The following PDS5A variants were observed in gnomAD, a reference collection of about 807,000 sequenced individuals.
PDS5A encodes PDS5 cohesin associated factor A.
PDS5A carries 42 observed loss-of-function variants against 167.1 expected under a neutral mutation model. That is an observed-to-expected ratio of 0.25 (90% confidence interval 0.20 to 0.33). PDS5A has a LOEUF of 0.33. Among genes scored for constraint, PDS5A ranks in the 10% least tolerant of loss-of-function variants. The pLI, the probability that PDS5A is intolerant of heterozygous loss-of-function variation, is 1.00. For missense variants in PDS5A, 1,033 were observed against 1,605.9 expected, an observed-to-expected ratio of 0.64 and a Z score of 6.10; for synonymous variants, 553 against 554.6, an observed-to-expected ratio of 1.00 and a Z score of 0.04.
chr4:39,830,061 T>A (rs777193826), intron 32 of PDS5A, among the ~76,000 whole-genome samples: 11 of 150,252 alleles, frequency 7.3e-5, no homozygotes, highest in Admixed American at 2.0e-4. Flanking sequence ...TCTTAAGCCA[T>A]GCCCTGTGTA....
intron 16 of PDS5A, among the ~76,000 whole-genome samples, chr4:39,893,471 C>T (rs1578684710): frequency 6.6e-6 from 1 of 152,054 alleles, no homozygotes; most frequent in African/African-American, 2.4e-5. Context: ...TAATATCTAC[C>T]TCTTGAGAAG....
chr4:39,887,992 C>T (rs1353228346), intron 17 of PDS5A, among the ~76,000 whole-genome samples: 1 of 152,118 alleles, frequency 6.6e-6, no homozygotes, highest in Non-Finnish European at 1.5e-5. Context: ...TGGCTCACGC[C>T]TGTAATCCCA....
chr4:39,835,618 G>T (rs1237850199), intron 32 of PDS5A, among the ~76,000 whole-genome samples: 1 of 152,150 alleles, frequency 6.6e-6, no homozygotes, highest in Non-Finnish European at 1.5e-5. Flanking sequence ...CGCCTCCCGG[G>T]TTCAAGCAAT....
At chr4:39,892,657 T>C (rs1193624753) in intron 16 of PDS5A, among the ~76,000 whole-genome samples, 1 of 152,250 alleles carries the variant, frequency 6.6e-6, no homozygotes, top group Non-Finnish European at 1.5e-5. Flanking sequence ...TATTATAAAA[T>C]TTATTTAATC....
At chr4:39,861,963 T>C (rs1377843299) in intron 26 of PDS5A, among the ~76,000 whole-genome samples, 1 of 152,098 alleles carries the variant, frequency 6.6e-6, no homozygotes, top group African/African-American at 2.4e-5. Flanking sequence ...ATATAATAAC[T>C]AAGATAACCA....
chr4:39,929,533 A>C (rs200533571), intron 2 of PDS5A, among the ~76,000 whole-genome samples: 15,290 of 101,516 alleles, frequency 0.15, 1,519 homozygotes, highest in East Asian at 0.33. Flanking sequence ...ATATATATAT[A>C]TATATATATA....
Position 39,976,684 on chromosome 4 carries a change from ATC to A in PDS5A, c.-40-69_-40-68del. 1.3e-5 allele frequency: 10 copies of A among 782,100 alleles called. No individual in the cohort carries two copies. In the South Asian group the frequency reaches 1.5e-4, roughly 12 times the overall value. 48.4% of individuals were successfully genotyped at this position (782,100 alleles called of 1,614,324 possible). On this transcript the variant is annotated intron_variant, in intron 1 of 32. Coordinates refer to ENST00000303538, the MANE Select transcript of PDS5A (RefSeq NM_001100399.2). ...TTTGTAACCTCTTTTTTCATTTCAA[ATC>A]TCTCTAATCTGGAAAAGGCCCTGTC... is the stretch of plus-strand genomic sequence containing the variant.
intron 30 of PDS5A, among the ~76,000 whole-genome samples, chr4:39,843,583 G>A (rs185969446): frequency 1.6e-4 from 25 of 152,184 alleles, no homozygotes; most frequent in African/African-American, 6.0e-4. Flanking sequence ...GTGGTGGCGT[G>A]TGCCTGTAAG....
chr4:39,913,795 T>C, intron 8 of PDS5A, 69 bp from the exon 9 acceptor site: 1 of 848,716 alleles, frequency 1.2e-6, no homozygotes, highest in South Asian at 1.3e-5. Flanking sequence ...TCTTGAAACA[T>C]TCTCAAGAAG....
At chr4:39,905,973 A>G (rs1723301039) in intron 11 of PDS5A, among the ~76,000 whole-genome samples, 1 of 151,288 alleles carries the variant, frequency 6.6e-6, no homozygotes, top group South Asian at 2.1e-4. Flanking sequence ...TTAGATAACA[A>G]GAGGTGCTTT....
chr4:39,954,714 C>A (rs1240826512), intron 2 of PDS5A, among the ~76,000 whole-genome samples: 2 of 144,116 alleles, frequency 1.4e-5, no homozygotes, highest in African/African-American at 5.2e-5. Flanking sequence ...CAGAGGTGGA[C>A]CAAACGCTAA....
intron 17 of PDS5A, among the ~76,000 whole-genome samples, chr4:39,886,403 A>G (rs1317295524): frequency 6.6e-6 from 1 of 152,104 alleles, no homozygotes; most frequent in Non-Finnish European, 1.5e-5. Flanking sequence ...TACTTTGAGT[A>G]GTACTGTCAT....
chr4:39,962,384 G>A (rs1729570325), intron 2 of PDS5A, among the ~76,000 whole-genome samples: 6 of 152,086 alleles, frequency 3.9e-5, no homozygotes, highest in Admixed American at 3.9e-4. Flanking sequence ...GAAATCTAGA[G>A]TTCTTACCCC....
At chr4:39,886,523 G>A (rs372351829) in intron 17 of PDS5A, among the ~76,000 whole-genome samples, 1 of 151,960 alleles carries the variant, frequency 6.6e-6, no homozygotes, top group Non-Finnish European at 1.5e-5. Context: ...AGACCAGCCC[G>A]ACCAACATGG....
At chr4:39,906,926 A>AAC (rs1441590701) in intron 11 of PDS5A, among the ~76,000 whole-genome samples, 23 of 150,100 alleles carry the variant, frequency 1.5e-4, no homozygotes, top group African/African-American at 5.4e-4. Context: ...ATAAAAAAAA[A>AAC]AAAAAAAAAA....
In PDS5A at chr4:39,926,866, TA is replaced by T. The variant is rs747683199; in HGVS notation, c.343-6del. 6,688 of 1,147,410 alleles carry T rather than the reference TA, an allele frequency of 5.8e-3. No homozygotes were observed. The highest frequency in any genetic ancestry group is 0.015 in the South Asian group (780 of 51,758). The allele number at this position is 1,147,410 out of a possible 1,614,324, so 71.1% of individuals were successfully genotyped here. On this transcript the variant is annotated splice_polypyrimidine_tract_variant and splice_region_variant and intron_variant, in intron 3 of 32. Transcript: ENST00000303538. ...GGTAATAAACAAAAATATGTCCTGT[TA>T]AAAAAAAAAACACATTAATTTAGAC...
In PDS5A at chr4:39,926,278, T is replaced by C. The variant is rs1413523277; in HGVS notation, c.430-345A>G. ...GGCTCACGCCTGTAATCCCAGCACT[T>C]TGGGAGGCCAAGGTGGGCGGATCAC... On this transcript the variant is annotated intron_variant, in intron 4 of 32. Transcript: ENST00000303538. Among the ~76,000 whole-genome samples, 6 of 152,168 alleles carry C rather than the reference T, an allele frequency of 3.9e-5. No homozygotes were observed. In the South Asian group the frequency reaches 1.0e-3, roughly 26 times the overall value.
At chr4:39,899,866 A>G (rs1722729032) in intron 14 of PDS5A, among the ~76,000 whole-genome samples, 1 of 150,584 alleles carries the variant, frequency 6.6e-6, no homozygotes, top group Admixed American at 6.6e-5. Context: ...AAAAAAAAAA[A>G]AAAAAAAAAA....
intron 32 of PDS5A, among the ~76,000 whole-genome samples, chr4:39,829,949 TCAAAAAAAAAAAAAAA>T (rs1274697681): frequency 4.7e-5 from 1 of 21,402 alleles, no homozygotes; most frequent in Non-Finnish European, 6.7e-5. Flanking sequence ...AGACTCCAAC[TCAAAAAAAAAAAAAAA>T]AAAAAAAAAA....
Sources: gnomAD v4.1 joint callset for allele counts (sites outside exome capture counted in the v4.1 genomes callset) on GRCh38, gnomAD v4.1.1 for gene constraint, MANE v1.5 for transcripts, NCBI Gene and HGNC (gene_info 2026-07-23, HGNC 2026-07-21) for gene names.